NRXN2: variants seen among roughly 807,000 people sequenced by gnomAD.
The protein encoded by NRXN2 is neurexin 2, also known as neurexin-2-beta.
NRXN2 carries 29 observed loss-of-function variants against 128.8 expected under a neutral mutation model. That is an observed-to-expected ratio of 0.23 (90% CI 0.17 to 0.31). NRXN2 has a LOEUF of 0.31. Ranked by LOEUF, NRXN2 falls within the 10% of genes least tolerant of loss-of-function variation. NRXN2 has a pLI of 1.00. For missense variants in NRXN2, 1,881 were observed against 2,452.6 expected, an observed-to-expected ratio of 0.77 and a Z score of 4.92; for synonymous variants, 1,098 against 1,075.2, an observed-to-expected ratio of 1.02 and a Z score of -0.41.
intron 11 of NRXN2, 115 bp from the exon 12 acceptor site, chr11:64,653,837 G>A (rs1218827270): frequency 5.1e-6 from 4 of 783,210 alleles, no homozygotes; most frequent in Non-Finnish European, 8.4e-6. Flanking sequence ...TTCCCCCCAG[G>A]GCCACTTTCC....
rs761903665 is a variant in NRXN2 at position 64,622,928 on chromosome 11, G to A, written c.3998C>T (p.Thr1333Ile). ...LAAESDPNVR[T>I]EGHLRLVGEG... ...CCCCACCAGGCGCAGGTGACCCTCA[G>A]TCCGCACATTGGGGTCGCTCTCGGC... Residue 1333 changes from threonine to isoleucine, a missense_variant, in exon 21 of 23, where the codon ACT becomes ATT. Transcript: ENST00000265459. The surrounding 1 kb of genome is among the most constrained non-coding windows in gnomAD (Gnocchi z 4.3). 6.2e-7 allele frequency: 1 copy of A among 1,613,396 alleles called. No individual in the cohort carries two copies. The highest frequency in any genetic ancestry group is 8.5e-7 in the Non-Finnish European group (1 of 1,179,856).
chr11:64,626,823 C>A (rs1451050243), intron 19 of NRXN2, among the ~76,000 whole-genome samples: 2 of 152,138 alleles, frequency 1.3e-5, no homozygotes, highest in South Asian at 2.1e-4. Flanking sequence ...AGAAAGGGAG[C>A]TGGAAGGTCA....
In NRXN2 at chr11:64,616,428, G is replaced by A. The variant is rs116942373; in HGVS notation, c.4252+3866C>T. Among the ~76,000 whole-genome samples, 417 of 152,246 alleles carry A rather than the reference G, an allele frequency of 2.7e-3. 1 individual carries two copies. The highest frequency in any genetic ancestry group is 0.01 in the East Asian group (53 of 5,178). On this transcript the variant is annotated intron_variant, in intron 22 of 22. Coordinates refer to ENST00000265459, the MANE Select transcript of NRXN2 (RefSeq NM_015080.4). The stretch of plus-strand genomic sequence containing the variant: ...TCTGAACATGCATACAGGTCTCTGC[G>A]GTTCTGAAACACATGTGAGCATCTG...
intron 7 of NRXN2, among the ~76,000 whole-genome samples, chr11:64,675,009 T>C (rs117225766): frequency 0.013 from 1,950 of 152,214 alleles, 25 homozygotes; most frequent in Non-Finnish European, 0.018. Flanking sequence ...TGCTGGGTCC[T>C]AATTCTAGGA....
At chr11:64,669,260 G>A (rs1051582488) in intron 7 of NRXN2, among the ~76,000 whole-genome samples, 1 of 152,170 alleles carries the variant, frequency 6.6e-6, no homozygotes, top group Non-Finnish European at 1.5e-5. Flanking sequence ...CCAATCTCCA[G>A]GTTTGCACTT....
intron 22 of NRXN2, 36 bp downstream of exon 22, chr11:64,620,258 G>A: frequency 6.6e-7 from 1 of 1,505,842 alleles, no homozygotes; most frequent in Non-Finnish European, 9.0e-7. Context: ...GCATCGCAGA[G>A]GGACCCGGGG....
At position 64,713,598 on chromosome 11, in the gene NRXN2, G is replaced by T. The variant is rs773049262; in HGVS notation, c.102C>A (p.Gly34=). 8.8e-5 allele frequency: 118 copies of T among 1,336,304 alleles called. 1 individual carries two copies. Among genetic ancestry groups the T allele is most frequent in the Non-Finnish European group, 1.1e-4 (114 of 1,042,728 alleles). The allele number at this position is 1,336,304 out of a possible 1,614,324, so 82.8% of individuals were successfully genotyped here. The change falls in exon 2 of 23, where the codon GGC becomes GGA. Residue 34 remains glycine, a synonymous_variant. Transcript: ENST00000265459. ...GCGCGTAGCGAGCCCACTGCCCGGG[G>T]CCGCCGCCGAACTCCAGGCCGTCCG... ...ARADGLEFGG[G]PGQWARYARW...
chr11:64,607,180 G>T lies in NRXN2; in HGVS notation c.*16C>A, dbSNP rs1324228156. Reference sequence around the variant, plus strand: ...CCCAGGAGGGGCAGCTGGCAGTGGGGCGCAGTGCCGGGGGCTCAGACATAA... The same window carrying T: ...CCCAGGAGGGGCAGCTGGCAGTGGGTCGCAGTGCCGGGGGCTCAGACATAA... On this transcript the variant is annotated 3_prime_UTR_variant, in exon 23 of 23. Transcript: ENST00000265459. 2 of 1,609,452 alleles carry T rather than the reference G, an allele frequency of 1.2e-6. No homozygotes were observed. Among genetic ancestry groups the T allele is most frequent in the East Asian group, 2.2e-5 (1 of 44,774 alleles).
chr11:64,633,294 T>C (rs1376336678), intron 18 of NRXN2, among the ~76,000 whole-genome samples: 1 of 152,214 alleles, frequency 6.6e-6, no homozygotes, highest in Non-Finnish European at 1.5e-5. Context: ...CCCACAGTCC[T>C]GCCTAGGTAG....
Position 64,723,150 on chromosome 11 carries a change from G to A in NRXN2, c.-424C>T, listed in dbSNP as rs2135703690. 8.8e-6 allele frequency: 1 copy of A among 114,224 alleles called. No homozygotes were observed. The highest frequency in any genetic ancestry group is 3.5e-5 in the African/African-American group (1 of 28,896). 7.1% of individuals were successfully genotyped at this position (114,224 alleles called of 1,614,324 possible). A position where few individuals can be genotyped will look rare whatever the true frequency, so the allele number is the denominator to read the frequency against. On this transcript the variant is annotated 5_prime_UTR_variant, in exon 1 of 23. Coordinates refer to ENST00000265459, the MANE Select transcript of NRXN2 (RefSeq NM_015080.4). ...GGTGCCTCTCCGAGGAGGATGCTCC[G>A]CGAGTCAGGGCGGCTGCTCCCGCCG...
At chr11:64,690,609 G>C in intron 4 of NRXN2, 133 bp from the exon 5 acceptor site, 2 of 776,814 alleles carry the variant, frequency 2.6e-6, no homozygotes, top group Non-Finnish European at 4.4e-6. Context: ...GCTTTTCTGG[G>C]GACTCCCTTG....
chr11:64,667,392 G>T lies in NRXN2; in HGVS notation c.1656C>A (p.Asp552Glu). 6.2e-7 allele frequency: 1 copy of T among 1,614,220 alleles called. No homozygotes were observed. The highest frequency in any genetic ancestry group is 8.5e-7 in the Non-Finnish European group (1 of 1,180,042). Residue 552 changes from aspartate to glutamate, a missense_variant, in exon 9 of 23, where the codon GAC becomes GAA. Transcript: ENST00000265459. The surrounding 1 kb of genome is among the most constrained non-coding windows in gnomAD (Gnocchi z 5.6). ...CGTCCAATAGCTCCATGGCAAAGTA[G>T]TCGGCCCGCTGAGCAGAGCTGTGGC... ...AGSHSSAQRA[D>E]YFAMELLDGH... is the part of the protein sequence containing the mutation.
At chr11:64,668,811 G>A (rs2050236024) in intron 7 of NRXN2, among the ~76,000 whole-genome samples, 1 of 152,144 alleles carries the variant, frequency 6.6e-6, no homozygotes, top group Non-Finnish European at 1.5e-5. Context: ...GTTTCAGGGT[G>A]GGCTAAGACC....
chr11:64,645,006 G>A (rs2046417649), intron 17 of NRXN2, among the ~76,000 whole-genome samples: 1 of 152,136 alleles, frequency 6.6e-6, no homozygotes, highest in South Asian at 2.1e-4. Context: ...TGGCCCCCAG[G>A]TCTTTAGAAG....
intron 22 of NRXN2, among the ~76,000 whole-genome samples, chr11:64,614,013 G>A (rs2041080079): frequency 6.6e-6 from 1 of 152,104 alleles, no homozygotes; most frequent in Non-Finnish European, 1.5e-5. Flanking sequence ...ACAAGGAAGA[G>A]ACCAAGGAGG....
intron 17 of NRXN2, among the ~76,000 whole-genome samples, chr11:64,641,068 C>G (rs138245572): frequency 6.6e-6 from 1 of 151,954 alleles, no homozygotes; most frequent in East Asian, 1.9e-4. Flanking sequence ...GGGTACAAAG[C>G]GAGAACTGAT....
chr11:64,647,848 G>A (rs2046931696), intron 17 of NRXN2, among the ~76,000 whole-genome samples: 1 of 152,228 alleles, frequency 6.6e-6, no homozygotes, highest in East Asian at 1.9e-4. Flanking sequence ...GTCTGTGTGA[G>A]GTACAAGTAC....
At chr11:64,643,231 C>T in intron 17 of NRXN2, 1 of 974,332 alleles carries the variant, frequency 1.0e-6, no homozygotes, top group African/African-American at 1.9e-5. Context: ...GCGGTGCGGG[C>T]TGGAGGAGAG....
rs151255670 is a variant in NRXN2 at position 64,673,445 on chromosome 11, G to A, written c.1197+3548C>T. Among the ~76,000 whole-genome samples the A allele has an allele frequency of 6.2e-4, 95 of 152,286 alleles. No individual in the cohort carries two copies. In the East Asian group the frequency reaches 0.017, roughly 28 times the overall value. On this transcript the variant is annotated intron_variant, in intron 7 of 22. Coordinates refer to ENST00000265459, the MANE Select transcript of NRXN2 (RefSeq NM_015080.4). ...ACTAACCAAAACCTGTCTGGGGGAT[G>A]CCTTGGGAATCAGAACACATTGAAC...
Sources: allele counts gnomAD v4.1 joint callset (sites outside exome capture counted in the v4.1 genomes callset), GRCh38; gene constraint gnomAD v4.1.1; non-coding constraint Gnocchi (gnomAD v3.1); transcripts MANE v1.5; gene names NCBI Gene and HGNC (gene_info 2026-07-23, HGNC 2026-07-21).